Variants in ELP2 observed in about 807,000 individuals in gnomAD.
ELP2 encodes the protein elongator acetyltransferase complex subunit 2.
ELP2 carries 90 observed loss-of-function variants against 119.2 expected under a neutral mutation model. That is an observed-to-expected ratio of 0.75 (90% CI 0.64 to 0.90). The LOEUF (loss-of-function observed/expected upper bound fraction) is 0.90. Among genes scored for constraint, ELP2 ranks in the 40% least tolerant of loss-of-function variants. The pLI, the probability that ELP2 is intolerant of heterozygous loss-of-function variation, is 0.00. For missense variants in ELP2, 921 were observed against 967.8 expected (o/e 0.95, Z 0.64); for synonymous variants, 339 against 331.0 (o/e 1.02, Z -0.26).
intron 2 of ELP2, among the ~76,000 whole-genome samples, chr18:36,134,929 AATT>A (rs1457301322): frequency 6.6e-6 from 1 of 152,312 alleles, no homozygotes; most frequent in East Asian, 1.9e-4. Flanking sequence ...AAATTTTCTG[AATT>A]ATTAAGACTT....
rs1359839531 is a variant in ELP2, at chr18:36,178,869, G to A, written c.*4228G>A. On this transcript the variant is annotated 3_prime_UTR_variant, in exon 22 of 22. Coordinates refer to ENST00000358232, the MANE Select transcript of ELP2 (RefSeq NM_018255.4). ...GATGTGTGGATTATTAATGAAGCTGGGCAGTGTTGGGGTGGTCATACTATT... is the reference window on the plus strand; with the variant it reads ...GATGTGTGGATTATTAATGAAGCTGAGCAGTGTTGGGGTGGTCATACTATT... The A allele has an allele frequency of 6.6e-6, 1 of 152,040 alleles. No individual in the cohort carries two copies. Among genetic ancestry groups the A allele is most frequent in the African/African-American group, 2.4e-5 (1 of 41,394 alleles). The allele number at this position is 152,040 out of a possible 1,614,324, so 9.4% of individuals were successfully genotyped here.
Position 36,144,950 on chromosome 18 carries a change from G to A in ELP2, c.808G>A (p.Ala270Thr), listed in dbSNP as rs61755325. ...TGCTTTTGTTATAGGTGTTAAAATA[G>A]CATTTGCTGTTACTCTGGAGACAGT... ...FTIENESVKIAFAVTLETVLA... is the reference protein window; with the variant it reads ...FTIENESVKITFAVTLETVLA... Residue 270 changes from alanine to threonine, a missense_variant, in exon 9 of 22, where the codon GCA (alanine) becomes ACA (threonine). Transcript: ENST00000358232. The A allele has an allele frequency of 3.5e-5, 56 of 1,613,314 alleles. No homozygotes were observed. The highest frequency in any genetic ancestry group is 4.7e-5 in the Non-Finnish European group (56 of 1,179,454).
In ELP2 at chr18:36,138,779, T is replaced by G; in HGVS notation, c.446-16T>G. ...GAGGTAGTTAGTTGTTCATTGTGTT[T>G]TTTATTATTTCTTAGTAATGTGCCT... On this transcript the variant is annotated splice_polypyrimidine_tract_variant and intron_variant, in intron 4 of 21. Transcript: ENST00000358232. 1 of 1,607,702 alleles carries G rather than the reference T, an allele frequency of 6.2e-7. No individual in the cohort carries two copies. Among genetic ancestry groups the G allele is most frequent in the Non-Finnish European group, 8.5e-7 (1 of 1,174,272 alleles).
At position 36,177,771 on chromosome 18, in the gene ELP2, T is replaced by A. The variant is rs2091259044; in HGVS notation, c.*3130T>A. On this transcript the variant is annotated 3_prime_UTR_variant, in exon 22 of 22. Coordinates refer to ENST00000358232, the MANE Select transcript of ELP2 (RefSeq NM_018255.4). ...TGGGAAACACAGGGATAACTAAGGT[T>A]AGATAGGTGTTCTTTATTGCAGGAA... is the stretch of plus-strand genomic sequence containing the variant. 1 of 152,182 alleles carries A rather than the reference T, an allele frequency of 6.6e-6. No individual in the cohort carries two copies. Among genetic ancestry groups the A allele is most frequent in the Non-Finnish European group, 1.5e-5 (1 of 68,030 alleles). The allele number at this position is 152,182 out of a possible 1,614,324, so 9.4% of individuals were successfully genotyped here. A position where few individuals can be genotyped will look rare whatever the true frequency, so the allele number is the denominator to read the frequency against.
At position 36,145,053 on chromosome 18, in the gene ELP2, A is replaced by G; in HGVS notation, c.892+19A>G. ...TACAAAGGTAGGAAGAAAACCATAC[A>G]CATATCCCTTACTCCAGTTAAATCT... On this transcript the variant is annotated intron_variant, in intron 9 of 21. Transcript: ENST00000358232. The G allele has an allele frequency of 6.4e-7, 1 of 1,573,744 alleles. No individual in the cohort carries two copies. Among genetic ancestry groups the G allele is most frequent in the Non-Finnish European group, 8.7e-7 (1 of 1,143,186 alleles).
chr18:36,157,690 A>G (rs2090614148), intron 13 of ELP2, among the ~76,000 whole-genome samples: 1 of 152,236 alleles, frequency 6.6e-6, no homozygotes, highest in East Asian at 1.9e-4. Flanking sequence ...TGAAGTAGCC[A>G]ACTAAATTTC....
intron 11 of ELP2, 125 bp downstream of exon 11, chr18:36,146,506 T>C: frequency 1.9e-6 from 2 of 1,053,562 alleles, no homozygotes; most frequent in South Asian, 2.8e-5. Flanking sequence ...GTGACATAAC[T>C]TTTTTCTGTA....
chr18:36,143,081 C>A, intron 8 of ELP2, 115 bp downstream of exon 8: 1 of 735,520 alleles, frequency 1.4e-6, no homozygotes. Flanking sequence ...CAGATTCCTA[C>A]CTGAAATTTC....
intron 11 of ELP2, among the ~76,000 whole-genome samples, chr18:36,149,757 G>A (rs1460711447): frequency 1.3e-5 from 2 of 151,904 alleles, no homozygotes; most frequent in Non-Finnish European, 2.9e-5. Flanking sequence ...GGACACTCAA[G>A]TTCCACTCAT....
chr18:36,160,902 A>G (rs779259555), intron 16 of ELP2, 30 bp from the exon 17 acceptor site: 1 of 1,439,044 alleles, frequency 6.9e-7, no homozygotes, highest in Non-Finnish European at 9.8e-7. Context: ...TTCATTTGCT[A>G]ATAGTACTTT....
intron 2 of ELP2, 103 bp downstream of exon 2, chr18:36,133,419 A>G: frequency 1.3e-6 from 1 of 798,096 alleles, no homozygotes; most frequent in Non-Finnish European, 2.2e-6. Flanking sequence ...ATTACCTTAT[A>G]TGATGTTATG....
At chr18:36,169,627 ATC>A (rs1245082236) in intron 19 of ELP2, among the ~76,000 whole-genome samples, 3 of 152,102 alleles carry the variant, frequency 2.0e-5, no homozygotes, top group African/African-American at 7.2e-5. Context: ...ACCTCAGGTG[ATC>A]CACCCACCTC....
At chr18:36,142,225 GTATACATGAAGATGTTAAA>G (rs1381301162) in intron 6 of ELP2, 37 bp from the exon 7 acceptor site, 27 of 1,376,092 alleles carry the variant, frequency 2.0e-5, no homozygotes, top group Non-Finnish European at 2.7e-5. Flanking sequence ...GATGTCACTG[GTATACATGAAGATGTTAAA>G]TTCTTACATC....
At chr18:36,154,586 G>A (rs985817230) in intron 11 of ELP2, among the ~76,000 whole-genome samples, 16 of 152,208 alleles carry the variant, frequency 1.1e-4, no homozygotes, top group African/African-American at 3.9e-4. Flanking sequence ...GAAAGGTTAA[G>A]TAGTATCTGG....
chr18:36,171,226 T>G lies in ELP2; in HGVS notation c.2324+66T>G, dbSNP rs930006561. ...AATTGTGGGGTCTTTCATGGCAAAT[T>G]TTATGCCACATTTTCATGGAGAGGG... is the stretch of plus-strand genomic sequence containing the variant. On this transcript the variant is annotated intron_variant, in intron 21 of 21. Coordinates refer to ENST00000358232, the MANE Select transcript of ELP2 (RefSeq NM_018255.4). The G allele has an allele frequency of 3.7e-6, 4 of 1,076,548 alleles. No homozygotes were observed. The African/African-American group carries it at 6.3e-5, about 17-fold the overall frequency. The allele number at this position is 1,076,548 out of a possible 1,614,324, so 66.7% of individuals were successfully genotyped here.
intron 11 of ELP2, among the ~76,000 whole-genome samples, chr18:36,152,942 C>G (rs974417109): frequency 6.6e-6 from 1 of 152,216 alleles, no homozygotes; most frequent in African/African-American, 2.4e-5. Context: ...TGGTTTTGCC[C>G]TTCCCCCACA....
At chr18:36,141,778 C>T (rs1035136663) in intron 6 of ELP2, among the ~76,000 whole-genome samples, 1 of 150,102 alleles carries the variant, frequency 6.7e-6, no homozygotes, top group Admixed American at 6.7e-5. Context: ...GTAGTCTTGA[C>T]TTCCTGGGGT....
chr18:36,178,530 T>C lies in ELP2; in HGVS notation c.*3889T>C, dbSNP rs1411704681. 2 of 152,120 alleles carry C rather than the reference T, an allele frequency of 1.3e-5. No individual in the cohort carries two copies. The highest frequency in any genetic ancestry group is 2.9e-5 in the Non-Finnish European group (2 of 68,018). The allele number at this position is 152,120 out of a possible 1,614,324, so 9.4% of individuals were successfully genotyped here. Reference sequence around the variant, plus strand: ...CCAATCAATCTTGTAAAAATGTGCTTAAGGGACAAAGCAAATTTGAACTCT... The same window carrying C: ...CCAATCAATCTTGTAAAAATGTGCTCAAGGGACAAAGCAAATTTGAACTCT... On this transcript the variant is annotated 3_prime_UTR_variant, in exon 22 of 22. Transcript: ENST00000358232.
chr18:36,172,786 A>G (rs1425797724), intron 21 of ELP2, among the ~76,000 whole-genome samples: 1 of 152,240 alleles, frequency 6.6e-6, no homozygotes, highest in Non-Finnish European at 1.5e-5. Flanking sequence ...AAGTGCAGGA[A>G]GGGAACACGT....
Sources: gnomAD v4.1 joint callset for allele counts (sites outside exome capture counted in the v4.1 genomes callset) on GRCh38, gnomAD v4.1.1 for gene constraint, MANE v1.5 for transcripts, NCBI Gene and HGNC (gene_info 2026-07-23, HGNC 2026-07-21) for gene names.